Variants in CEP162 observed in about 807,000 individuals in gnomAD.
The protein encoded by CEP162 is centrosomal protein 162, also known as centrosomal protein of 162 kDa.
Under a neutral mutation model 169.2 loss-of-function variants are expected in CEP162, and 141 were observed. The observed-to-expected ratio is 0.83, with a 90% confidence interval of 0.73 to 0.96. The LOEUF is 0.96. Among genes scored for constraint, CEP162 ranks in the 40% least tolerant of loss-of-function variants. CEP162 has a pLI of 0.00. For missense variants in CEP162, 1,600 were observed against 1,587.2 expected (o/e 1.01, Z -0.14); for synonymous variants, 540 against 526.4 (o/e 1.03, Z -0.35).
At chr6:84,135,317 G>C (rs2099513537) in intron 25 of CEP162, among the ~76,000 whole-genome samples, 1 of 152,290 alleles carries the variant, frequency 6.6e-6, no homozygotes, top group South Asian at 2.1e-4. Flanking sequence ...AAGTAAAAAA[G>C]AGTGATTCAC....
chr6:84,202,962 CTTTT>C (rs1218719403), intron 7 of CEP162, among the ~76,000 whole-genome samples: 2 of 152,132 alleles, frequency 1.3e-5, no homozygotes, highest in East Asian at 3.8e-4. Context: ...AAAAGTGTTT[CTTTT>C]GAGTCCACGT....
In CEP162 at chr6:84,161,797, A is replaced by G. The variant is rs2099525883; in HGVS notation, c.2625T>C (p.Asp875=). The part of the protein sequence containing the change: ...YAENQELLDK[D]ALRLREANEE... The stretch of plus-strand genomic sequence containing the variant: ...CATTTGCTTCTCTAAGCCGAAGTGC[A>G]TCTTTATCCAGAAGTTCCTGATTTT... Residue 875 remains aspartate, a synonymous_variant, in exon 20 of 27, where the codon GAT becomes GAC. Transcript: ENST00000403245. 1.2e-6 allele frequency: 2 copies of G among 1,602,066 alleles called. No homozygotes were observed. The highest frequency in any genetic ancestry group is 1.3e-5 in the African/African-American group (1 of 74,912).
In CEP162 at chr6:84,163,763, C is replaced by A. The variant is rs184421181; in HGVS notation, c.2386-493G>T. On this transcript the variant is annotated intron_variant, in intron 18 of 26. Transcript: ENST00000403245. ...GGCGGATCACTTGAGGTCAGGAATTCGAGACCAGTATGGCCAACAAGGTGA... is the reference window on the plus strand; with the variant it reads ...GGCGGATCACTTGAGGTCAGGAATTAGAGACCAGTATGGCCAACAAGGTGA... Among the ~76,000 whole-genome samples, 14 of 151,928 alleles carry A rather than the reference C, an allele frequency of 9.2e-5. No individual in the cohort carries two copies. In the East Asian group the frequency reaches 2.5e-3, roughly 27 times the overall value.
At chr6:84,134,549 G>T (rs942937114) in intron 25 of CEP162, among the ~76,000 whole-genome samples, 1 of 152,134 alleles carries the variant, frequency 6.6e-6, no homozygotes, top group African/African-American at 2.4e-5. Flanking sequence ...GGGCTGGAGT[G>T]CACCGTTCCT....
In CEP162 at chr6:84,147,313, T is replaced by C. The variant is rs188809213; in HGVS notation, c.3772-528A>G. Among the ~76,000 whole-genome samples, 291 of 152,138 alleles carry C rather than the reference T, an allele frequency of 1.9e-3. 1 individual carries two copies. Among genetic ancestry groups the C allele is most frequent in the Middle Eastern group, 6.8e-3 (2 of 294 alleles). On this transcript the variant is annotated intron_variant, in intron 24 of 26. Transcript: ENST00000403245. ...CTCATGAACACAGAGAATAGAACAA[T>C]AGATACCAGAGATGGGAGTGGGGGG...
chr6:84,158,268 G>A (rs1033120539), intron 21 of CEP162, among the ~76,000 whole-genome samples: 1 of 152,180 alleles, frequency 6.6e-6, no homozygotes, highest in African/African-American at 2.4e-5. Context: ...AGGACCTTGT[G>A]TCAACTAATC....
At position 84,136,903 on chromosome 6, in the gene CEP162, C is replaced by T. The variant is rs148919755; in HGVS notation, c.3870+9784G>A. ...CTTGATAAAGAATGGCCATCGGCCACACACCAGGCACCTAGGCTTGGGGGA... is the reference window on the plus strand; with the variant it reads ...CTTGATAAAGAATGGCCATCGGCCATACACCAGGCACCTAGGCTTGGGGGA... On this transcript the variant is annotated intron_variant, in intron 25 of 26. Transcript: ENST00000403245. Among the ~76,000 whole-genome samples, 693 of 152,288 alleles carry T rather than the reference C, an allele frequency of 4.6e-3. 8 individuals are homozygous for T. Among genetic ancestry groups the T allele is most frequent in the African/African-American group, 0.016 (661 of 41,572 alleles).
chr6:84,128,094 T>C (rs1016297142), intron 25 of CEP162, among the ~76,000 whole-genome samples: 3 of 152,238 alleles, frequency 2.0e-5, no homozygotes, highest in Non-Finnish European at 4.4e-5. Context: ...TCACTATTCC[T>C]AGCACCCAGC....
chr6:84,155,180 G>C (rs2099522668), intron 22 of CEP162, 118 bp downstream of exon 22: 1 of 777,978 alleles, frequency 1.3e-6, no homozygotes, highest in African/African-American at 1.7e-5. Context: ...ATTGATACCA[G>C]TGGTAAAGGT....
chr6:84,165,563 T>C (rs1319149508), intron 18 of CEP162, among the ~76,000 whole-genome samples: 1 of 152,170 alleles, frequency 6.6e-6, no homozygotes, highest in Non-Finnish European at 1.5e-5. Flanking sequence ...AGGTAACCTC[T>C]TCTCTTTATT....
chr6:84,211,260 G>A (rs1254192704), intron 6 of CEP162, among the ~76,000 whole-genome samples: 1 of 151,730 alleles, frequency 6.6e-6, no homozygotes, highest in Non-Finnish European at 1.5e-5. Context: ...CAGGCATGGT[G>A]GCTCATGCCT....
rs775454043 is a variant in CEP162, at chr6:84,201,741, A to T, written c.714T>A (p.Ala238=). The change falls in exon 8 of 27, where the codon GCT becomes GCA. Residue 238 remains alanine, a synonymous_variant. Transcript: ENST00000403245. ...KQEEEKTGML[A]NVVLLDSLDS... ...ATGAATATAAATAATATTTACCATTAGCAAGCATGCCAGTTTTTTCTTCTT... is the reference window on the plus strand; with the variant it reads ...ATGAATATAAATAATATTTACCATTTGCAAGCATGCCAGTTTTTTCTTCTT... 9.7e-6 allele frequency: 13 copies of T among 1,341,356 alleles called. No individual in the cohort carries two copies. The highest frequency in any genetic ancestry group is 1.0e-6 in the Non-Finnish European group (1 of 969,058). The allele number at this position is 1,341,356 out of a possible 1,614,324, so 83.1% of individuals were successfully genotyped here.
In CEP162 at chr6:84,124,326, A is replaced by ATTGAC. The variant is rs1174841446; in HGVS notation, c.*739_*743dup. On this transcript the variant is annotated 3_prime_UTR_variant, in exon 27 of 27. Coordinates refer to ENST00000403245, the MANE Select transcript of CEP162 (RefSeq NM_014895.4). ...GAACCAACCTAAGTATCTACCAACA[A>ATTGAC]TTGACTGGATAAAGAAAACGTGAGA... 1.3e-5 allele frequency: 2 copies of ATTGAC among 152,148 alleles called. No individual in the cohort carries two copies. The highest frequency in any genetic ancestry group is 2.9e-5 in the Non-Finnish European group (2 of 68,028). 9.4% of individuals were successfully genotyped at this position (152,148 alleles called of 1,614,324 possible). A position where few individuals can be genotyped will look rare whatever the true frequency, so the allele number is the denominator to read the frequency against.
Position 84,185,271 on chromosome 6 carries a change from T to C in CEP162, c.1579A>G (p.Thr527Ala). ...KPSSPLKMFS[T>A]LEKKTSEDII... ...TCCTCTGAAGTTTTCTTTTCAAGAG[T>C]AGAAAACATCTTGAGTGGTGAACTG... Residue 527 changes from threonine (T) to alanine (A), a missense_variant, in exon 13 of 27, where the codon ACT becomes GCT. Thr to Ala is a moderately conservative substitution (Grantham distance 58). Transcript: ENST00000403245. 3.7e-6 allele frequency: 6 copies of C among 1,613,414 alleles called. No individual in the cohort carries two copies. The highest frequency in any genetic ancestry group is 5.1e-6 in the Non-Finnish European group (6 of 1,179,412).
chr6:84,186,707 G>A (rs760049449), intron 11 of CEP162, 84 bp from the exon 12 acceptor site: 29 of 1,042,698 alleles, frequency 2.8e-5, no homozygotes, highest in Middle Eastern at 2.2e-4. Context: ...GTGTGTACAC[G>A]CAGACACACT....
At chr6:84,189,115 G>A (rs1253854175) in intron 11 of CEP162, among the ~76,000 whole-genome samples, 2 of 151,992 alleles carry the variant, frequency 1.3e-5, no homozygotes, top group African/African-American at 4.8e-5. Context: ...GCAGTGGTGT[G>A]ACCTCGGCTC....
intron 19 of CEP162, 142 bp from the exon 20 acceptor site, chr6:84,162,051 A>G: frequency 3.3e-6 from 2 of 597,896 alleles, no homozygotes; most frequent in Non-Finnish European, 5.8e-6. Flanking sequence ...CAACTGATGT[A>G]TACAACATAG....
At chr6:84,209,405 G>T (rs112156596) in intron 6 of CEP162, among the ~76,000 whole-genome samples, 4,736 of 137,804 alleles carry the variant, frequency 0.034, 279 homozygotes, top group African/African-American at 0.12. Context: ...ACGGAGTTTT[G>T]CTCTTGTTGC....
At chr6:84,223,151 A>G (rs2099554377) in intron 2 of CEP162, among the ~76,000 whole-genome samples, 1 of 152,242 alleles carries the variant, frequency 6.6e-6, no homozygotes, top group Non-Finnish European at 1.5e-5. Context: ...ACAACCTTCC[A>G]CAGTGCTTCC....
Sources: allele counts gnomAD v4.1 joint callset (sites outside exome capture counted in the v4.1 genomes callset), GRCh38; gene constraint gnomAD v4.1.1; transcripts MANE v1.5; gene names NCBI Gene and HGNC (gene_info 2026-07-23, HGNC 2026-07-21).